Variants in RBFOX1 observed in about 807,000 individuals in gnomAD.
RBFOX1 encodes the protein RNA binding protein fox-1 homolog 1.
In RBFOX1, 8 loss-of-function variants were observed where a neutral mutation model predicts 57.7. The observed-to-expected ratio is 0.14, with a 90% CI of 0.08 to 0.25. RBFOX1 has a LOEUF of 0.25. Ranked by LOEUF, RBFOX1 falls within the 10% of genes least tolerant of loss-of-function variation. The pLI is 1.00. For missense variants in RBFOX1, 611 were observed against 548.5 expected, an observed-to-expected ratio of 1.11 and a Z score of -1.14; for synonymous variants, 326 against 222.4, an observed-to-expected ratio of 1.47 and a Z score of -4.15.
At chr16:5,333,865 C>T (rs949257706) in intron 1 of RBFOX1, among the ~76,000 whole-genome samples, 7 of 152,246 alleles carry the variant, frequency 4.6e-5, no homozygotes, top group Admixed American at 3.3e-4. Context: ...AGAAAAGGTA[C>T]AGTAAAAATA....
intron 3 of RBFOX1, among the ~76,000 whole-genome samples, chr16:6,840,887 C>CAA (rs1165695098): frequency 0.19 from 8,725 of 45,594 alleles, 430 homozygotes; most frequent in Non-Finnish European, 0.23. Context: ...GACTCTGTCT[C>CAA]AAAAAAAAAA....
chr16:5,709,360 T>C (rs777938506), intron 3 of RBFOX1, among the ~76,000 whole-genome samples: 1 of 152,190 alleles, frequency 6.6e-6, no homozygotes, highest in Non-Finnish European at 1.5e-5. Flanking sequence ...TCAGTGAGCA[T>C]GTGCCTGAAT....
intron 1 of RBFOX1, among the ~76,000 whole-genome samples, chr16:6,032,133 C>T (rs2095299511): frequency 6.6e-6 from 1 of 152,110 alleles, no homozygotes; most frequent in African/African-American, 2.4e-5. Context: ...ACATCCTCCT[C>T]TTTTATCCGT....
At chr16:6,091,448 T>C (rs1249422783) in intron 1 of RBFOX1, among the ~76,000 whole-genome samples, 1 of 152,364 alleles carries the variant, frequency 6.6e-6, no homozygotes, top group African/African-American at 2.4e-5. Context: ...GATTTTCTAC[T>C]TTTTTATAGG....
chr16:7,547,770 T>G (rs1234977010), intron 5 of RBFOX1, among the ~76,000 whole-genome samples: 1 of 152,248 alleles, frequency 6.6e-6, no homozygotes, highest in African/African-American at 2.4e-5. Context: ...GTATAGTTCT[T>G]TGCTATTGTT....
chr16:6,957,488 G>T (rs958703835), intron 3 of RBFOX1, among the ~76,000 whole-genome samples: 3 of 152,102 alleles, frequency 2.0e-5, no homozygotes, highest in Non-Finnish European at 4.4e-5. Flanking sequence ...ACTTCCTGAC[G>T]TTGCCATGGC....
chr16:6,746,225 C>G (rs529480648), intron 3 of RBFOX1, among the ~76,000 whole-genome samples: 2 of 152,128 alleles, frequency 1.3e-5, no homozygotes, highest in Admixed American at 1.3e-4. Flanking sequence ...GCCAATCAAA[C>G]CCCAGCAGGC....
chr16:7,150,523 A>G (rs1291136941), intron 4 of RBFOX1, among the ~76,000 whole-genome samples: 2 of 152,186 alleles, frequency 1.3e-5, no homozygotes, highest in Non-Finnish European at 2.9e-5. Context: ...CACCATGAAG[A>G]AAGTAAGGGA....
intron 1 of RBFOX1, chr16:6,038,840 G>A (rs2095404039): frequency 6.7e-6 from 1 of 148,798 alleles, no homozygotes; most frequent in Admixed American, 6.7e-5. Context: ...GCCACACCCA[G>A]CAATCCTAAT....
intron 3 of RBFOX1, among the ~76,000 whole-genome samples, chr16:6,788,945 A>T (rs1247233428): frequency 6.6e-6 from 1 of 152,086 alleles, no homozygotes; most frequent in Admixed American, 6.6e-5. Context: ...TCCTCCTAGC[A>T]TTCTCTATTC....
At chr16:5,933,406 C>G (rs1002427974) in intron 4 of RBFOX1, among the ~76,000 whole-genome samples, 40 of 152,192 alleles carry the variant, frequency 2.6e-4, no homozygotes, top group African/African-American at 9.2e-4. Context: ...ACCAGGGATC[C>G]TGCCAGAGTG....
At chr16:7,422,010 G>A (rs1417136666) in intron 4 of RBFOX1, among the ~76,000 whole-genome samples, 1 of 152,158 alleles carries the variant, frequency 6.6e-6, no homozygotes, top group Admixed American at 6.5e-5. Context: ...AACCCTCAGA[G>A]GCTCTGAGTG....
intron 4 of RBFOX1, among the ~76,000 whole-genome samples, chr16:7,490,712 G>A (rs2066704155): frequency 6.6e-6 from 1 of 152,100 alleles, no homozygotes; most frequent in Non-Finnish European, 1.5e-5. Flanking sequence ...TTGAGGTGGG[G>A]GTGTTGATAG....
chr16:5,502,351 A>AGGGTGGGATGTGGACACTGTAG (rs949943678), intron 2 of RBFOX1, among the ~76,000 whole-genome samples: 3 of 149,328 alleles, frequency 2.0e-5, no homozygotes, highest in Non-Finnish European at 4.5e-5. Context: ...GGACACTGTA[A>AGGGTGGGATGTGGACACTGTAG]GGGTGGGATG....
chr16:5,609,379 G>C (rs1341738809), intron 3 of RBFOX1, among the ~76,000 whole-genome samples: 1 of 152,190 alleles, frequency 6.6e-6, no homozygotes, highest in African/African-American at 2.4e-5. Context: ...GCTTGTCTGA[G>C]ACAGGAGTGG....
In RBFOX1 at chr16:7,501,742, A is replaced by G. The variant is rs372946895; in HGVS notation, c.28-16405A>G. ...TGGCTGCTTCCTGCTCTTCAAGAACATCAGGTTAGACATCAGTTCTTCTGG... is the reference window on the plus strand; with the variant it reads ...TGGCTGCTTCCTGCTCTTCAAGAACGTCAGGTTAGACATCAGTTCTTCTGG... On this transcript the variant is annotated intron_variant, in intron 4 of 15. Transcript: ENST00000550418. Among the ~76,000 whole-genome samples, 7 of 152,346 alleles carry G rather than the reference A, an allele frequency of 4.6e-5. No individual in the cohort carries two copies. The South Asian group carries it at 1.5e-3, about 32-fold the overall frequency.
At chr16:5,864,920 C>T (rs1248750386) in intron 3 of RBFOX1, among the ~76,000 whole-genome samples, 1 of 152,174 alleles carries the variant, frequency 6.6e-6, no homozygotes, top group Non-Finnish European at 1.5e-5. Flanking sequence ...AGTCATTATA[C>T]TTTTTAAAAA....
At chr16:7,612,194 G>A (rs1472806830) in intron 10 of RBFOX1, among the ~76,000 whole-genome samples, 3 of 151,694 alleles carry the variant, frequency 2.0e-5, no homozygotes, top group East Asian at 3.9e-4. Context: ...GGTGGTGGGC[G>A]CCTGTAGTCC....
At chr16:6,312,685 C>CTTCCTTCCTTCCTTCCTTCCTCCA in intron 1 of RBFOX1, among the ~76,000 whole-genome samples, 1 of 148,322 alleles carries the variant, frequency 6.7e-6, no homozygotes, top group South Asian at 2.2e-4. Flanking sequence ...TCCTTCCTTC[C>CTTCCTTCCTTCCTTCCTTCCTCCA]TTCCTTCCTT....
Sources: allele counts gnomAD v4.1 joint callset (sites outside exome capture counted in the v4.1 genomes callset), GRCh38; gene constraint gnomAD v4.1.1; transcripts MANE v1.5; gene names NCBI Gene and HGNC (gene_info 2026-07-23, HGNC 2026-07-21).